Variants in CLK4 observed in about 807,000 individuals in gnomAD.
CLK4 encodes the protein CDC like kinase 4.
In CLK4, 37 loss-of-function variants were observed where a neutral mutation model predicts 64.4. The ratio of observed to expected loss-of-function variants is 0.57; its 90% CI spans 0.44 to 0.76. The LOEUF is 0.76. CLK4 is among the 30% of genes least tolerant of loss of function. The pLI is 0.00. For synonymous variants in CLK4, 175 were observed against 191.6 expected, an observed-to-expected ratio of 0.91 and a Z score of 0.72; for missense variants, 457 against 605.1, an observed-to-expected ratio of 0.76 and a Z score of 2.57.
rs1562125659 is a variant in CLK4, at chr5:178,603,830, CT to C, written c.1305+13del. ...ACACGTGGTTTATTTAACCTTTAAT[CT>C]TTTTTCTTTTACCTTCAACGGTTTG... On this transcript the variant is annotated intron_variant, in intron 12 of 12. Transcript: ENST00000316308. The C allele has an allele frequency of 1.3e-6, 2 of 1,595,982 alleles. No individual in the cohort carries two copies. The highest frequency in any genetic ancestry group is 2.7e-5 in the African/African-American group (2 of 73,508).
At chr5:178,620,724 T>C in intron 2 of CLK4, 1 of 338,704 alleles carries the variant, frequency 3.0e-6, no homozygotes, top group East Asian at 7.8e-5. Flanking sequence ...TGCCAACAAA[T>C]AATGAACAAT....
At chr5:178,603,977 A>AGTC (rs1272559081) in intron 11 of CLK4, 43 bp from the exon 12 acceptor site, 4 of 1,461,962 alleles carry the variant, frequency 2.7e-6, no homozygotes, top group Non-Finnish European at 3.8e-6. Context: ...AAATAACAAG[A>AGTC]GTCGTATCTT....
intron 11 of CLK4, chr5:178,604,144 G>GT: frequency 2.7e-6 from 1 of 368,626 alleles, no homozygotes; most frequent in Non-Finnish European, 4.9e-6. Context: ...TCTCAACTAA[G>GT]TTGTTCCTAT....
In CLK4 at chr5:178,612,651, A is replaced by C. The variant is rs550008874; in HGVS notation, c.922-106T>G. The C allele has an allele frequency of 3.7e-5, 47 of 1,282,332 alleles. No individual in the cohort carries two copies. The East Asian group carries it at 1.1e-3, about 29-fold the overall frequency. The allele number at this position is 1,282,332 out of a possible 1,614,324, so 79.4% of individuals were successfully genotyped here. A position where few individuals can be genotyped will look rare whatever the true frequency, so the allele number is the denominator to read the frequency against. On this transcript the variant is annotated intron_variant, in intron 8 of 12. Coordinates refer to ENST00000316308, the MANE Select transcript of CLK4 (RefSeq NM_020666.3). ...TCTTCTTGATTGTCAAAGTAAGCTC[A>C]TGAGAAAGGCAAAGAAGGATTACTT...
At position 178,602,749 on chromosome 5, in the gene CLK4, C is replaced by G. The variant is rs967189290; in HGVS notation, c.*868G>C. On this transcript the variant is annotated 3_prime_UTR_variant, in exon 13 of 13. Coordinates refer to ENST00000316308, the MANE Select transcript of CLK4 (RefSeq NM_020666.3). ...TTCCCAAACTGCTTTCCAATCAAAT[C>G]CTCTTTCTCCCGTAAGAATTATCAC... 10 of 152,218 alleles carry G rather than the reference C, an allele frequency of 6.6e-5. No individual in the cohort carries two copies. The highest frequency in any genetic ancestry group is 2.4e-4 in the African/African-American group (10 of 41,446). The allele number at this position is 152,218 out of a possible 1,614,324, so 9.4% of individuals were successfully genotyped here. A position where few individuals can be genotyped will look rare whatever the true frequency, so the allele number is the denominator to read the frequency against.
In CLK4 at chr5:178,617,629, G is replaced by A; in HGVS notation, c.385-195C>T. On this transcript the variant is annotated intron_variant, in intron 3 of 12. Coordinates refer to ENST00000316308, the MANE Select transcript of CLK4 (RefSeq NM_020666.3). The surrounding 1 kb of genome is among the most constrained non-coding windows in gnomAD (Gnocchi z 5.2). Reference sequence around the variant, plus strand: ...ACAGGGCACAGTTTATGTTACAGAAGAAAAACATGGCAAGGAACAGATTTT... The same window carrying A: ...ACAGGGCACAGTTTATGTTACAGAAAAAAAACATGGCAAGGAACAGATTTT... The A allele has an allele frequency of 2.1e-6, 1 of 472,060 alleles. No individual in the cohort carries two copies. The highest frequency in any genetic ancestry group is 4.1e-5 in the East Asian group (1 of 24,630). 29.2% of individuals were successfully genotyped at this position (472,060 alleles called of 1,614,324 possible).
chr5:178,613,557 C>T lies in CLK4; in HGVS notation c.742G>A (p.Asp248Asn), dbSNP rs1764587255. Residue 248 changes from aspartate to asparagine, a missense_variant, in exon 7 of 13, where the codon GAT becomes AAT. Coordinates refer to ENST00000316308, the MANE Select transcript of CLK4 (RefSeq NM_020666.3). ...VFELLGLSTY[D>N]FIKENSFLPF... ...AGAAAGCTGTTTTCTTTAATGAAATCGTAAGTACTAAGTCCCAGTAGTTCA... is the reference window on the plus strand; with the variant it reads ...AGAAAGCTGTTTTCTTTAATGAAATTGTAAGTACTAAGTCCCAGTAGTTCA... 9 of 1,612,282 alleles carry T rather than the reference C, an allele frequency of 5.6e-6. No individual in the cohort carries two copies. Among genetic ancestry groups the T allele is most frequent in the Non-Finnish European group, 7.6e-6 (9 of 1,179,314 alleles).
intron 5 of CLK4, among the ~76,000 whole-genome samples, chr5:178,615,196 AT>A (rs942290759): frequency 1.1e-3 from 170 of 152,240 alleles, no homozygotes; most frequent in African/African-American, 3.8e-3. Context: ...TTAAAAAAAA[AT>A]TTTTTTTAAG....
chr5:178,613,314 G>A (rs908236607), intron 7 of CLK4, among the ~76,000 whole-genome samples, 159 bp downstream of exon 7: 3 of 152,040 alleles, frequency 2.0e-5, no homozygotes, highest in African/African-American at 2.4e-5. Flanking sequence ...CCAGCTACTC[G>A]GGAGGCTGAG....
chr5:178,613,262 A>C (rs1270437189), intron 7 of CLK4, among the ~76,000 whole-genome samples: 1 of 152,168 alleles, frequency 6.6e-6, no homozygotes, highest in Non-Finnish European at 1.5e-5. Context: ...TCTACTAAAA[A>C]TACAAAAAAT....
rs929417830 is a variant in CLK4, at chr5:178,602,876, G to A, written c.*741C>T. ...CCAATGTTAAGACTCCTAAGGACTT[G>A]GTATTAAAAACTGAAACCTCTCATC... On this transcript the variant is annotated 3_prime_UTR_variant, in exon 13 of 13. Transcript: ENST00000316308. 6.6e-6 allele frequency: 1 copy of A among 152,068 alleles called. No individual in the cohort carries two copies. Among genetic ancestry groups the A allele is most frequent in the Non-Finnish European group, 1.5e-5 (1 of 68,016 alleles). 9.4% of individuals were successfully genotyped at this position (152,068 alleles called of 1,614,324 possible). A position where few individuals can be genotyped will look rare whatever the true frequency, so the allele number is the denominator to read the frequency against.
At chr5:178,622,350 C>T in intron 2 of CLK4, 1 of 833,714 alleles carries the variant, frequency 1.2e-6, no homozygotes, top group Non-Finnish European at 1.5e-6. Context: ...AGCTGTTTGG[C>T]AGAACAAGTC....
chr5:178,615,196 A>AT (rs942290759), intron 5 of CLK4, among the ~76,000 whole-genome samples: 1 of 152,124 alleles, frequency 6.6e-6, no homozygotes, highest in African/African-American at 2.4e-5. Context: ...TTAAAAAAAA[A>AT]TTTTTTTTAA....
At chr5:178,609,734 A>AATATATAT (rs56177248) in intron 9 of CLK4, among the ~76,000 whole-genome samples, 4 of 141,846 alleles carry the variant, frequency 2.8e-5, no homozygotes, top group South Asian at 4.4e-4. Context: ...AAAATTTTAA[A>AATATATAT]ATATATATAT....
intron 8 of CLK4, 50 bp downstream of exon 8, chr5:178,612,746 A>G: frequency 8.5e-7 from 1 of 1,173,458 alleles, no homozygotes; most frequent in South Asian, 1.4e-5. Flanking sequence ...TCATCAAGTT[A>G]AATTAATTTT....
rs772958954 is a variant in CLK4, at chr5:178,613,537, G to C, written c.762C>G (p.Ser254Arg). The C allele has an allele frequency of 6.2e-7, 1 of 1,612,016 alleles. No homozygotes were observed. Among genetic ancestry groups the C allele is most frequent in the Admixed American group, 1.7e-5 (1 of 59,458 alleles). ...TGTGGTCAATTTGAAATGGCAGAAA[G>C]CTGTTTTCTTTAATGAAATCGTAAG... ...LSTYDFIKENSFLPFQIDHIR... is the reference protein window; with the variant it reads ...LSTYDFIKENRFLPFQIDHIR... Residue 254 changes from serine to arginine, a missense_variant, in exon 7 of 13, where the codon AGC becomes AGG. Transcript: ENST00000316308.
Position 178,603,383 on chromosome 5 carries a change from T to C in CLK4, c.*234A>G. 1 of 282,078 alleles carries C rather than the reference T, an allele frequency of 3.5e-6. No individual in the cohort carries two copies. Among genetic ancestry groups the C allele is most frequent in the Non-Finnish European group, 6.5e-6 (1 of 153,304 alleles). The allele number at this position is 282,078 out of a possible 1,614,324, so 17.5% of individuals were successfully genotyped here. A position where few individuals can be genotyped will look rare whatever the true frequency, so the allele number is the denominator to read the frequency against. ...CTGGACACAAAGGATATTTCAAAGG[T>C]ATTTAAAAATGGTAATTTCAAAAAG... On this transcript the variant is annotated 3_prime_UTR_variant, in exon 13 of 13. Coordinates refer to ENST00000316308, the MANE Select transcript of CLK4 (RefSeq NM_020666.3).
At chr5:178,624,009 A>T (rs939319412) in intron 1 of CLK4, among the ~76,000 whole-genome samples, 2 of 152,216 alleles carry the variant, frequency 1.3e-5, no homozygotes, top group Non-Finnish European at 2.9e-5. Context: ...ACACTTAGGG[A>T]TACTAAATAT....
intron 10 of CLK4, among the ~76,000 whole-genome samples, chr5:178,607,258 C>A (rs987722393): frequency 6.6e-6 from 1 of 152,000 alleles, no homozygotes; most frequent in African/African-American, 2.4e-5. Context: ...CTTGCGAAGT[C>A]TTTTATGAAT....
Sources: gnomAD v4.1 joint callset for allele counts (sites outside exome capture counted in the v4.1 genomes callset) on GRCh38, gnomAD v4.1.1 for gene constraint, Gnocchi (gnomAD v3.1) non-coding constraint, MANE v1.5 for transcripts, NCBI Gene and HGNC (gene_info 2026-07-23, HGNC 2026-07-21) for gene names.